Variants in CNNM2 observed in about 807,000 individuals in gnomAD.
CNNM2 encodes metal transporter CNNM2.
A neutral mutation model predicts 66.9 loss-of-function variants in CNNM2; 12 were observed. The ratio of observed to expected loss-of-function variants is 0.18; its 90% CI spans 0.11 to 0.29. The LOEUF is 0.29. Among genes scored for constraint, CNNM2 ranks in the 10% least tolerant of loss-of-function variants. CNNM2 has a pLI of 1.00. For missense variants in CNNM2, 705 were observed against 1,167.7 expected, an observed-to-expected ratio of 0.60 and a Z score of 5.77; for synonymous variants, 557 against 501.8, an observed-to-expected ratio of 1.11 and a Z score of -1.47.
In CNNM2 at chr10:102,918,389, C is replaced by A; in HGVS notation, c.-92C>A. ...GAGGCGAACTGCTGAGCACTGGCCG[C>A]GGACGCTCCGTTGCAGTCTCGCCCA... is the stretch of plus-strand genomic sequence containing the variant. On this transcript the variant is annotated 5_prime_UTR_variant, in exon 1 of 8. Transcript: ENST00000369878. The surrounding 1 kb of genome is among the most constrained non-coding windows in gnomAD (Gnocchi z 4.1). The A allele has an allele frequency of 1.3e-6, 2 of 1,526,580 alleles. No homozygotes were observed. The highest frequency in any genetic ancestry group is 1.7e-6 in the Non-Finnish European group (2 of 1,144,260). 94.6% of individuals were successfully genotyped at this position (1,526,580 alleles called of 1,614,324 possible). A position where few individuals can be genotyped will look rare whatever the true frequency, so the allele number is the denominator to read the frequency against.
intron 1 of CNNM2, among the ~76,000 whole-genome samples, chr10:103,009,306 C>T (rs919362503): frequency 1.3e-5 from 2 of 152,064 alleles, no homozygotes; most frequent in Non-Finnish European, 1.5e-5. Context: ...CTAACTTATA[C>T]AAATTATTCT....
chr10:102,966,900 G>A (rs1052489049), intron 1 of CNNM2, among the ~76,000 whole-genome samples: 1 of 152,038 alleles, frequency 6.6e-6, no homozygotes, highest in East Asian at 1.9e-4. Context: ...TATAAATGAA[G>A]TTTCTAGGAG....
chr10:102,974,239 G>A (rs1564827095), intron 1 of CNNM2, among the ~76,000 whole-genome samples: 1 of 152,182 alleles, frequency 6.6e-6, no homozygotes, highest in Non-Finnish European at 1.5e-5. Context: ...CTAAACATAA[G>A]AGAGGGAAAA....
chr10:103,019,374 T>C (rs2064524383), intron 1 of CNNM2, among the ~76,000 whole-genome samples: 2 of 152,038 alleles, frequency 1.3e-5, no homozygotes, highest in African/African-American at 4.8e-5. Context: ...GGGGTTCTAT[T>C]GGACAAGACT....
At chr10:103,029,398 AG>A (rs2064778033) in intron 1 of CNNM2, among the ~76,000 whole-genome samples, 1 of 151,838 alleles carries the variant, frequency 6.6e-6, no homozygotes, top group African/African-American at 2.4e-5. Context: ...CAGGTGGCAG[AG>A]GTTGCAGTGA....
Position 103,082,150 on chromosome 10 carries a change from GT to G in CNNM2, c.*4974del, listed in dbSNP as rs2065763465. The G allele has an allele frequency of 6.6e-6, 1 of 152,210 alleles. No individual in the cohort carries two copies. The highest frequency in any genetic ancestry group is 1.5e-5 in the Non-Finnish European group (1 of 68,052). 9.4% of individuals were successfully genotyped at this position (152,210 alleles called of 1,614,324 possible). On this transcript the variant is annotated 3_prime_UTR_variant, in exon 8 of 8. Transcript: ENST00000369878. ...AGACTTGAGTACACAAGGTTTTCAG[GT>G]TTTAATGCCCATTGGGACCGTGAAC...
chr10:103,034,443 T>C (rs1216937462), intron 1 of CNNM2, among the ~76,000 whole-genome samples: 2 of 152,142 alleles, frequency 1.3e-5, no homozygotes, highest in African/African-American at 4.8e-5. Context: ...ATGTACGGTG[T>C]GGTTTGATCT....
At chr10:102,951,686 TG>T (rs2134192134) in intron 1 of CNNM2, among the ~76,000 whole-genome samples, 1 of 151,632 alleles carries the variant, frequency 6.6e-6, no homozygotes, top group Non-Finnish European at 1.5e-5. Context: ...TTGCCCAGGC[TG>T]GGGTGCAGTG....
In CNNM2 at chr10:103,084,526, C is replaced by T. The variant is rs941981966; in HGVS notation, c.*7346C>T. The T allele has an allele frequency of 1.3e-5, 2 of 152,206 alleles. No homozygotes were observed. Among genetic ancestry groups the T allele is most frequent in the African/African-American group, 4.8e-5 (2 of 41,448 alleles). The allele number at this position is 152,206 out of a possible 1,614,324, so 9.4% of individuals were successfully genotyped here. A position where few individuals can be genotyped will look rare whatever the true frequency, so the allele number is the denominator to read the frequency against. ...TCATGGTAGCACATTCACTCCCAGCCTCCTGCCTTGGTTTGTTTTTCCTGT... is the reference window on the plus strand; with the variant it reads ...TCATGGTAGCACATTCACTCCCAGCTTCCTGCCTTGGTTTGTTTTTCCTGT... On this transcript the variant is annotated 3_prime_UTR_variant, in exon 8 of 8. Transcript: ENST00000369878.
Position 103,080,424 on chromosome 10 carries a change from AAATCTT to A in CNNM2, c.*3247_*3252del, listed in dbSNP as rs1335190172. On this transcript the variant is annotated 3_prime_UTR_variant, in exon 8 of 8. Coordinates refer to ENST00000369878, the MANE Select transcript of CNNM2 (RefSeq NM_017649.5). ...ATACATTTAAACTCTTAGGAAAACA[AAATCTT>A]AAGACTTACACAGATATCGGGGTGC... The A allele has an allele frequency of 6.6e-6, 1 of 152,210 alleles. No individual in the cohort carries two copies. Among genetic ancestry groups the A allele is most frequent in the Non-Finnish European group, 1.5e-5 (1 of 68,052 alleles). 9.4% of individuals were successfully genotyped at this position (152,210 alleles called of 1,614,324 possible).
At position 103,077,614 on chromosome 10, in the gene CNNM2, G is replaced by A. The variant is rs1281452109; in HGVS notation, c.*434G>A. On this transcript the variant is annotated 3_prime_UTR_variant, in exon 8 of 8. Coordinates refer to ENST00000369878, the MANE Select transcript of CNNM2 (RefSeq NM_017649.5). ...TGCTGTGATCCCATGATGTGACCCT[G>A]ATGGGCTGGACTTGCCCCTCCGGTA... 1 of 164,152 alleles carries A rather than the reference G, an allele frequency of 6.1e-6. No individual in the cohort carries two copies. Among genetic ancestry groups the A allele is most frequent in the Non-Finnish European group, 1.3e-5 (1 of 75,040 alleles). The allele number at this position is 164,152 out of a possible 1,614,324, so 10.2% of individuals were successfully genotyped here.
chr10:102,989,159 G>A (rs1395052002), intron 1 of CNNM2, among the ~76,000 whole-genome samples: 3 of 152,126 alleles, frequency 2.0e-5, no homozygotes, highest in Non-Finnish European at 2.9e-5. Flanking sequence ...ACTGAGTAAC[G>A]TATGTCTATT....
chr10:103,067,441 C>G lies in CNNM2; in HGVS notation c.2074-1188C>G, dbSNP rs11191544. On this transcript the variant is annotated intron_variant, in intron 4 of 7. Coordinates refer to ENST00000369878, the MANE Select transcript of CNNM2 (RefSeq NM_017649.5). ...CCCCCTCCCCTGATTTGTAGGAGGG[C>G]AATGATTTGTCTGCTGCATCGAGTT... Among the ~76,000 whole-genome samples the G allele has an allele frequency of 0.31, 46,633 of 152,050 alleles. 7,295 individuals are homozygous for G. Among genetic ancestry groups the G allele is most frequent in the Middle Eastern group, 0.36 (106 of 294 alleles).
At chr10:103,031,944 T>C (rs1250519816) in intron 1 of CNNM2, among the ~76,000 whole-genome samples, 2 of 152,160 alleles carry the variant, frequency 1.3e-5, no homozygotes, top group African/African-American at 4.8e-5. Flanking sequence ...AAGTGAAATA[T>C]TGAGCATTAG....
chr10:102,927,612 A>G (rs552584302), intron 1 of CNNM2: 64 of 643,774 alleles, frequency 9.9e-5, no homozygotes, highest in Non-Finnish European at 1.5e-4. Flanking sequence ...AAAATACAGA[A>G]AAATTAGCTG....
At chr10:103,029,342 C>T (rs1034493410) in intron 1 of CNNM2, among the ~76,000 whole-genome samples, 2 of 151,148 alleles carry the variant, frequency 1.3e-5, no homozygotes, top group Admixed American at 6.6e-5. Context: ...GTGGCCAGCA[C>T]CTGTAATCCC....
intron 1 of CNNM2, among the ~76,000 whole-genome samples, chr10:103,018,778 C>T (rs1350460458): frequency 6.7e-6 from 1 of 149,750 alleles, no homozygotes; most frequent in East Asian, 2.0e-4. Flanking sequence ...CCTCCCTCAG[C>T]CCCCCGAGTA....
chr10:102,949,474 G>A (rs1270046007), intron 1 of CNNM2, among the ~76,000 whole-genome samples: 7 of 151,610 alleles, frequency 4.6e-5, no homozygotes, highest in South Asian at 4.2e-4. Flanking sequence ...CACACCTGGC[G>A]GTAGTAGTGA....
chr10:102,979,096 G>A (rs573479376), intron 1 of CNNM2, among the ~76,000 whole-genome samples: 4 of 152,148 alleles, frequency 2.6e-5, no homozygotes, highest in Non-Finnish European at 2.9e-5. Flanking sequence ...ATTCTAGTAC[G>A]AGTCTTTTGG....
Sources: allele counts gnomAD v4.1 joint callset (sites outside exome capture counted in the v4.1 genomes callset), GRCh38; gene constraint gnomAD v4.1.1; non-coding constraint Gnocchi (gnomAD v3.1); transcripts MANE v1.5; gene names NCBI Gene and HGNC (gene_info 2026-07-23, HGNC 2026-07-21).